KCNJ3: variants seen among roughly 807,000 people sequenced by gnomAD.
KCNJ3 encodes potassium inwardly rectifying channel subfamily J member 3.
KCNJ3 carries 4 observed loss-of-function variants against 39.2 expected under a neutral mutation model. That is an observed-to-expected ratio of 0.10 (90% CI 0.05 to 0.23). The LOEUF (loss-of-function observed/expected upper bound fraction) is 0.23, where lower values mean the gene tolerates loss of function less well. KCNJ3 is among the 10% of genes least tolerant of loss of function. The pLI is 1.00. For missense variants in KCNJ3, 276 were observed against 634.9 expected (o/e 0.43, Z 6.08); for synonymous variants, 230 against 237.4 (o/e 0.97, Z 0.29).
intron 2 of KCNJ3, among the ~76,000 whole-genome samples, chr2:154,784,447 G>A (rs1686492784): frequency 6.6e-6 from 1 of 152,180 alleles, no homozygotes; most frequent in African/African-American, 2.4e-5. Flanking sequence ...GTGCAACTCG[G>A]CTCACTGCAA....
intron 2 of KCNJ3, among the ~76,000 whole-genome samples, chr2:154,746,609 GATAT>G (rs59587484): frequency 0.38 from 55,098 of 143,196 alleles, 10,594 homozygotes; most frequent in South Asian, 0.39. Context: ...CGTATACACA[GATAT>G]ATATATATAT....
Position 154,819,071 on chromosome 2 carries a change from A to G in KCNJ3, c.920-35656A>G, listed in dbSNP as rs996381988. Among the ~76,000 whole-genome samples, 2 of 151,862 alleles carry G rather than the reference A, an allele frequency of 1.3e-5. 1 individual carries two copies. Among genetic ancestry groups the G allele is most frequent in the Admixed American group, 1.3e-4 (2 of 15,210 alleles). Reference sequence around the variant, plus strand: ...TCCCAGCTACTCTGAAAGCAGAGGCAGGATTGCTGGAGCCTAAGAGTTCGA... The same window carrying G: ...TCCCAGCTACTCTGAAAGCAGAGGCGGGATTGCTGGAGCCTAAGAGTTCGA... On this transcript the variant is annotated intron_variant, in intron 2 of 2. Coordinates refer to ENST00000295101, the MANE Select transcript of KCNJ3 (RefSeq NM_002239.4).
chr2:154,847,239 A>T (rs147036393), intron 2 of KCNJ3, among the ~76,000 whole-genome samples: 131 of 152,152 alleles, frequency 8.6e-4, no homozygotes, highest in African/African-American at 2.7e-3. Flanking sequence ...AAAAAAGATT[A>T]AAAAAAATCA....
Position 154,717,941 on chromosome 2 carries a change from G to A in KCNJ3, c.919+8122G>A, listed in dbSNP as rs538919832. 9.2e-5 allele frequency among the ~76,000 whole-genome samples: 14 copies of A among 152,238 alleles called. No homozygotes were observed. In the East Asian group the frequency reaches 1.9e-3, roughly 21 times the overall value. ...CCATTGGAAATGTTATTTATCCTTC[G>A]TAATTGCAGTTTCTGGGTCATTAGC... On this transcript the variant is annotated intron_variant, in intron 2 of 2. Transcript: ENST00000295101.
chr2:154,725,158 T>A (rs1685332037), intron 2 of KCNJ3, among the ~76,000 whole-genome samples: 1 of 151,554 alleles, frequency 6.6e-6, no homozygotes, highest in Admixed American at 6.6e-5. Context: ...GAAAATAATA[T>A]CTTTCACATT....
At chr2:154,817,014 G>A in intron 2 of KCNJ3, among the ~76,000 whole-genome samples, 1 of 151,972 alleles carries the variant, frequency 6.6e-6, no homozygotes, top group Admixed American at 6.6e-5. Flanking sequence ...TGGCCCTGAG[G>A]CATTATATCA....
intron 2 of KCNJ3, among the ~76,000 whole-genome samples, chr2:154,782,748 A>G (rs1442930537): frequency 1.3e-5 from 2 of 152,234 alleles, no homozygotes; most frequent in African/African-American, 4.8e-5. Context: ...CAAAGCACAG[A>G]GAAGCCTATC....
intron 2 of KCNJ3, among the ~76,000 whole-genome samples, chr2:154,842,330 T>C (rs1020516912): frequency 6.6e-6 from 1 of 151,770 alleles, no homozygotes; most frequent in Non-Finnish European, 1.5e-5. Flanking sequence ...TCTGTTCTTG[T>C]AGATTTGCTG....
intron 2 of KCNJ3, among the ~76,000 whole-genome samples, chr2:154,805,988 C>T (rs1257881989): frequency 2.6e-5 from 4 of 152,074 alleles, no homozygotes; most frequent in South Asian, 2.1e-4. Context: ...AGTTCAAGTC[C>T]GAGTCTGGCT....
intron 2 of KCNJ3, among the ~76,000 whole-genome samples, chr2:154,730,344 G>A (rs7601403): frequency 0.054 from 8,267 of 151,982 alleles, 749 homozygotes; most frequent in African/African-American, 0.19. Context: ...TGAAATGAAG[G>A]AATGGATAAT....
intron 2 of KCNJ3, among the ~76,000 whole-genome samples, chr2:154,818,402 G>T (rs1687116633): frequency 6.6e-6 from 1 of 152,010 alleles, no homozygotes; most frequent in African/African-American, 2.4e-5. Context: ...GACCAGTGTT[G>T]TTCAAAAGAA....
chr2:154,707,757 C>A (rs1685038090), intron 1 of KCNJ3, among the ~76,000 whole-genome samples: 1 of 152,106 alleles, frequency 6.6e-6, no homozygotes, highest in Non-Finnish European at 1.5e-5. Context: ...CATCAGAATA[C>A]CACCTTGTGT....
At chr2:154,854,655 A>G in intron 2 of KCNJ3, 72 bp from the exon 3 acceptor site, 2 of 1,125,582 alleles carry the variant, frequency 1.8e-6, no homozygotes, top group Non-Finnish European at 2.6e-6. Context: ...GAAATGAATT[A>G]TTTAGGCCAA....
chr2:154,727,134 A>T (rs1404918866), intron 2 of KCNJ3, among the ~76,000 whole-genome samples: 1 of 152,180 alleles, frequency 6.6e-6, no homozygotes, highest in African/African-American at 2.4e-5. Context: ...CATGTAACCA[A>T]ACACCACTGT....
intron 2 of KCNJ3, among the ~76,000 whole-genome samples, chr2:154,811,485 G>A (rs1279090805): frequency 6.6e-6 from 1 of 152,060 alleles, no homozygotes; most frequent in Admixed American, 6.6e-5. Flanking sequence ...GTAGAGTTGG[G>A]GTTTCACCAT....
chr2:154,720,849 C>T (rs1242100932), intron 2 of KCNJ3, among the ~76,000 whole-genome samples: 1 of 152,112 alleles, frequency 6.6e-6, no homozygotes, highest in Non-Finnish European at 1.5e-5. Context: ...ACTCATGCTC[C>T]TGATTCAGCA....
intron 2 of KCNJ3, among the ~76,000 whole-genome samples, chr2:154,751,973 C>T (rs1452900064): frequency 6.6e-6 from 1 of 152,070 alleles, no homozygotes; most frequent in East Asian, 1.9e-4. Context: ...AATACAGTCA[C>T]ATTCTGAGGA....
Position 154,699,303 on chromosome 2 carries a change from C to T in KCNJ3, c.528C>T (p.Leu176=). ...SILGSIVDAF[L]IGCMFIKMSQ... ...TGGGCTCCATCGTGGACGCCTTCCTCATCGGCTGCATGTTCATCAAGATGT... is the reference window on the plus strand; with the variant it reads ...TGGGCTCCATCGTGGACGCCTTCCTTATCGGCTGCATGTTCATCAAGATGT... The change falls in exon 1 of 3, where the codon CTC becomes CTT. Residue 176 remains leucine, a synonymous_variant. Coordinates refer to ENST00000295101, the MANE Select transcript of KCNJ3 (RefSeq NM_002239.4). This position sits in a 1 kb window ranked among gnomAD's most constrained non-coding sequence, Gnocchi z 6.4. 6.2e-7 allele frequency: 1 copy of T among 1,614,024 alleles called. No individual in the cohort carries two copies. Among genetic ancestry groups the T allele is most frequent in the South Asian group, 1.1e-5 (1 of 91,074 alleles).
intron 2 of KCNJ3, among the ~76,000 whole-genome samples, chr2:154,847,587 A>ATT (rs5835551): frequency 6.9e-6 from 1 of 144,688 alleles, no homozygotes; most frequent in Non-Finnish European, 1.6e-5. Flanking sequence ...AATTTTCAGG[A>ATT]TTTTTTCTTC....
Sources: gnomAD v4.1 joint callset for allele counts (sites outside exome capture counted in the v4.1 genomes callset) on GRCh38, gnomAD v4.1.1 for gene constraint, Gnocchi (gnomAD v3.1) non-coding constraint, MANE v1.5 for transcripts, NCBI Gene and HGNC (gene_info 2026-07-23, HGNC 2026-07-21) for gene names.